HELLS: variants seen among roughly 807,000 people sequenced by gnomAD.
The protein encoded by HELLS is helicase, lymphoid specific.
In HELLS, 32 loss-of-function variants were observed where a neutral mutation model predicts 120.0. That is an observed-to-expected ratio of 0.27 (90% CI 0.20 to 0.36). The LOEUF (loss-of-function observed/expected upper bound fraction) is 0.36, where lower values mean the gene tolerates loss of function less well. HELLS is among the 10% of genes least tolerant of loss of function. The pLI is 1.00. For synonymous variants in HELLS, 341 were observed against 323.4 expected (o/e 1.05, Z -0.58); for missense variants, 650 against 993.4 (o/e 0.65, Z 4.65).
At chr10:94,567,307 G>T (rs1393516045) in intron 6 of HELLS, among the ~76,000 whole-genome samples, 2 of 151,476 alleles carry the variant, frequency 1.3e-5, no homozygotes, top group Non-Finnish European at 2.9e-5. Flanking sequence ...TATTTCCAAG[G>T]TTTTTTTTGA....
intron 10 of HELLS, among the ~76,000 whole-genome samples, chr10:94,580,333 C>T (rs1844808291): frequency 6.6e-6 from 1 of 151,332 alleles, no homozygotes; most frequent in South Asian, 2.1e-4. Context: ...AGGCATGTGC[C>T]ACTACGTCCA....
Position 94,557,312 on chromosome 10 carries a change from A to G in HELLS, c.277-827A>G, listed in dbSNP as rs140743812. 1.4e-4 allele frequency: 31 copies of G among 219,132 alleles called. 1 individual carries two copies. In the East Asian group the frequency reaches 3.9e-3, roughly 28 times the overall value. 13.6% of individuals were successfully genotyped at this position (219,132 alleles called of 1,614,324 possible). On this transcript the variant is annotated intron_variant, in intron 3 of 21. Coordinates refer to ENST00000348459, the MANE Select transcript of HELLS (RefSeq NM_018063.5). ...CAAATCTCCTTTTTCCTTTGTTTGAAACCCTTTTATTACTTTTTTATGGTA... is the reference window on the plus strand; with the variant it reads ...CAAATCTCCTTTTTCCTTTGTTTGAGACCCTTTTATTACTTTTTTATGGTA...
chr10:94,555,988 C>G (rs1278707669), intron 3 of HELLS, among the ~76,000 whole-genome samples: 2 of 152,176 alleles, frequency 1.3e-5, no homozygotes, highest in African/African-American at 4.8e-5. Flanking sequence ...GTAAGCTCCT[C>G]TAGCAAATTA....
rs986265069 is a variant in HELLS at position 94,574,692 on chromosome 10, A to G, written c.844A>G (p.Thr282Ala). Reference sequence around the variant, plus strand: ...TTTTCTTGTCTGTGGCCCTTTGTCTACACTTCCTAACTGGATGGCTGAATT... The same window carrying G: ...TTTTCTTGTCTGTGGCCCTTTGTCTGCACTTCCTAACTGGATGGCTGAATT... ...GPFLVCGPLSTLPNWMAEFKR... is the reference protein window; with the variant it reads ...GPFLVCGPLSALPNWMAEFKR... Residue 282 changes from threonine (T) to alanine (A), a missense_variant, in exon 9 of 22, where the codon ACA becomes GCA. Thr to Ala is a moderately conservative substitution (Grantham distance 58). This residue lies in a region of HELLS where 61 missense variants were observed against 86.5 expected (regional missense o/e 0.71). Coordinates refer to ENST00000348459, the MANE Select transcript of HELLS (RefSeq NM_018063.5). 2 of 1,613,668 alleles carry G rather than the reference A, an allele frequency of 1.2e-6. No homozygotes were observed. Among genetic ancestry groups the G allele is most frequent in the Non-Finnish European group, 1.7e-6 (2 of 1,179,824 alleles).
intron 13 of HELLS, among the ~76,000 whole-genome samples, 190 bp downstream of exon 13, chr10:94,588,580 C>T (rs896151073): frequency 3.3e-5 from 5 of 152,078 alleles, no homozygotes; most frequent in African/African-American, 1.2e-4. Flanking sequence ...GGCATTTCGC[C>T]ATGTTTCCCA....
At chr10:94,571,547 TA>T (rs996740347) in intron 7 of HELLS, 118 bp downstream of exon 7, 2,268 of 707,106 alleles carry the variant, frequency 3.2e-3, no homozygotes, top group Middle Eastern at 6.2e-3. Flanking sequence ...TTCTTTGCTT[TA>T]AAAAAAAATA....
At chr10:94,558,794 A>C (rs1021228542) in intron 4 of HELLS, among the ~76,000 whole-genome samples, 3 of 151,910 alleles carry the variant, frequency 2.0e-5, no homozygotes, top group Admixed American at 1.3e-4. Flanking sequence ...GTAGAGACAG[A>C]GTTTTACTGT....
At chr10:94,612,392 T>C (rs1846201927) in exon 10 of HELLS, 1 of 152,206 alleles carries the variant, frequency 6.6e-6, no homozygotes, top group South Asian at 2.1e-4. Context: ...ACCTTCAAGA[T>C]CCTTTTCAGG....
At chr10:94,609,562 T>C (rs186891219) in intron 9 of HELLS, among the ~76,000 whole-genome samples, 6 of 152,318 alleles carry the variant, frequency 3.9e-5, no homozygotes, top group Admixed American at 3.3e-4. Flanking sequence ...CCAGATCAGT[T>C]ACATGTATAT....
intron 10 of HELLS, among the ~76,000 whole-genome samples, chr10:94,579,191 C>T (rs1364358670): frequency 7.1e-6 from 1 of 139,922 alleles, no homozygotes; most frequent in Admixed American, 7.4e-5. Flanking sequence ...CTGAGAACTA[C>T]TACTTTTTTC....
intron 12 of HELLS, among the ~76,000 whole-genome samples, chr10:94,586,181 T>C (rs1845134991): frequency 6.6e-6 from 1 of 151,980 alleles, no homozygotes; most frequent in Non-Finnish European, 1.5e-5. Context: ...AGTGCCGTGG[T>C]GCAATCTCGG....
chr10:94,580,371 G>A (rs993906943), intron 10 of HELLS, among the ~76,000 whole-genome samples: 1 of 150,922 alleles, frequency 6.6e-6, no homozygotes, highest in Non-Finnish European at 1.5e-5. Context: ...TAGTAGAGAC[G>A]GGGTTTCACC....
chr10:94,575,005 T>C (rs1589732264), intron 9 of HELLS, among the ~76,000 whole-genome samples: 1 of 152,116 alleles, frequency 6.6e-6, no homozygotes, highest in African/African-American at 2.4e-5. Flanking sequence ...TAGGTAGAGA[T>C]TTTATTAAAA....
At chr10:94,561,615 A>G (rs1843556474) in intron 4 of HELLS, among the ~76,000 whole-genome samples, 1 of 151,962 alleles carries the variant, frequency 6.6e-6, no homozygotes, top group South Asian at 2.1e-4. Flanking sequence ...ACAGGTGCAC[A>G]CCACCATGCT....
At chr10:94,604,419 C>T (rs1276426148), downstream of HELLS, among the ~76,000 whole-genome samples, 1 of 152,110 alleles carries the variant, frequency 6.6e-6, no homozygotes, top group Non-Finnish European at 1.5e-5. Context: ...TGCGCCCAGC[C>T]TACTTTCTAT....
At chr10:94,560,572 T>A (rs1843501013) in intron 4 of HELLS, among the ~76,000 whole-genome samples, 1 of 151,912 alleles carries the variant, frequency 6.6e-6, no homozygotes, top group Non-Finnish European at 1.5e-5. Flanking sequence ...GGTGTGTGCC[T>A]GTAGTCCCAG....
In HELLS at chr10:94,576,724, C is replaced by T. The variant is rs758636208; in HGVS notation, c.951C>T (p.Tyr317=). Reference sequence around the variant, plus strand: ...GTCAAAAATTGGTAAGAAATATTTACAAACGGAAAGGGACTTTGCAGATTC... The same window carrying T: ...GTCAAAAATTGGTAAGAAATATTTATAAACGGAAAGGGACTTTGCAGATTC... The part of the protein sequence containing the change: ...EERQKLVRNI[Y]KRKGTLQIHP... The change falls in exon 10 of 22, where the codon TAC becomes TAT. Residue 317 remains tyrosine, a synonymous_variant. Transcript: ENST00000348459. The T allele has an allele frequency of 1.9e-6, 3 of 1,611,386 alleles. No homozygotes were observed. The highest frequency in any genetic ancestry group is 1.3e-5 in the African/African-American group (1 of 74,952).
At position 94,597,122 on chromosome 10, in the gene HELLS, T is replaced by C. The variant is rs1423731208; in HGVS notation, c.2422+11T>C. The stretch of plus-strand genomic sequence containing the variant: ...GAAGTGATCTTATTGGTAAGTATTA[T>C]GCTTTTTTTTAATGGAAGCTTCGAA... On this transcript the variant is annotated intron_variant, in intron 21 of 21. Transcript: ENST00000348459. The C allele has an allele frequency of 1.3e-6, 2 of 1,507,716 alleles. No individual in the cohort carries two copies. The highest frequency in any genetic ancestry group is 2.8e-5 in the African/African-American group (2 of 72,426). The allele number at this position is 1,507,716 out of a possible 1,614,324, so 93.4% of individuals were successfully genotyped here.
intron 2 of HELLS, 137 bp downstream of exon 2, chr10:94,546,635 C>CT (rs1293420329): frequency 1.1e-5 from 10 of 947,618 alleles, no homozygotes; most frequent in East Asian, 9.8e-5. Flanking sequence ...TATTACTTGT[C>CT]TTTTTTGTAT....
Sources: gnomAD v4.1 joint callset for allele counts (sites outside exome capture counted in the v4.1 genomes callset) on GRCh38, gnomAD v4.1.1 for gene constraint, gnomAD v4.1.1 regional missense constraint, MANE v1.5 for transcripts, NCBI Gene and HGNC (gene_info 2026-07-23, HGNC 2026-07-21) for gene names.